The following EBF1 variants were observed in gnomAD, a reference collection of about 807,000 sequenced individuals.
The protein encoded by EBF1 is transcription factor COE1.
A neutral mutation model predicts 68.4 loss-of-function variants in EBF1; 10 were observed. That is an observed-to-expected ratio of 0.15 (90% CI 0.09 to 0.25). The LOEUF (loss-of-function observed/expected upper bound fraction) is 0.25. Among genes scored for constraint, EBF1 ranks in the 10% least tolerant of loss-of-function variants. The pLI is 1.00. For synonymous variants in EBF1, 298 were observed against 299.8 expected, an observed-to-expected ratio of 0.99 and a Z score of 0.06; for missense variants, 509 against 794.4, an observed-to-expected ratio of 0.64 and a Z score of 4.32.
At chr5:158,818,630 T>C (rs764947951) in intron 8 of EBF1, among the ~76,000 whole-genome samples, 2 of 152,214 alleles carry the variant, frequency 1.3e-5, no homozygotes, top group African/African-American at 2.4e-5. Flanking sequence ...AACTCCACTA[T>C]TGTTTTTATT....
chr5:158,760,951 T>C (rs138830004), intron 10 of EBF1, among the ~76,000 whole-genome samples: 13 of 152,312 alleles, frequency 8.5e-5, no homozygotes, highest in Admixed American at 1.3e-4. Context: ...TTGTTTTTGT[T>C]TTACTCTTTT....
At chr5:158,984,011 G>T (rs1221248743) in intron 6 of EBF1, among the ~76,000 whole-genome samples, 1 of 150,908 alleles carries the variant, frequency 6.6e-6, no homozygotes, top group African/African-American at 2.4e-5. Context: ...GAATTAAAAT[G>T]CTGGTTACTG....
intron 6 of EBF1, among the ~76,000 whole-genome samples, chr5:158,972,315 G>A (rs773788264): frequency 2.0e-5 from 3 of 152,128 alleles, no homozygotes; most frequent in Non-Finnish European, 2.9e-5. Context: ...GTACTGTCTC[G>A]TATATTTAGG....
intron 7 of EBF1, among the ~76,000 whole-genome samples, chr5:158,837,599 T>G (rs1452116588): frequency 6.6e-6 from 1 of 152,236 alleles, no homozygotes; most frequent in Non-Finnish European, 1.5e-5. Context: ...CTATTTTGTT[T>G]GCAAAATAGA....
intron 4 of EBF1, among the ~76,000 whole-genome samples, chr5:159,094,268 A>G (rs1318641635): frequency 6.6e-6 from 1 of 151,606 alleles, no homozygotes; most frequent in Non-Finnish European, 1.5e-5. Flanking sequence ...CCAAGACCAA[A>G]AATTATAAAT....
intron 6 of EBF1, among the ~76,000 whole-genome samples, chr5:159,008,143 G>C (rs1763928938): frequency 6.6e-6 from 1 of 152,072 alleles, no homozygotes; most frequent in South Asian, 2.1e-4. Context: ...TATTTCTATT[G>C]AAACAAGTGG....
intron 4 of EBF1, among the ~76,000 whole-genome samples, chr5:159,087,763 T>G (rs10035751): frequency 0.34 from 51,791 of 151,912 alleles, 9,240 homozygotes; most frequent in African/African-American, 0.41. Context: ...CCATGATACA[T>G]CTCTTCACCA....
At chr5:158,703,684 C>T (rs761510084) in intron 15 of EBF1, among the ~76,000 whole-genome samples, 3 of 150,188 alleles carry the variant, frequency 2.0e-5, no homozygotes, top group Non-Finnish European at 3.0e-5. Context: ...CAGCTGGAAT[C>T]ATGATAGAAT....
intron 6 of EBF1, among the ~76,000 whole-genome samples, chr5:159,014,635 T>A (rs1765319579): frequency 6.6e-6 from 1 of 152,248 alleles, no homozygotes; most frequent in South Asian, 2.1e-4. Context: ...CATATGAAGT[T>A]ATAACATCCT....
rs192956758 is a variant in EBF1, at chr5:158,759,284, G to A, written c.1036+18129C>T. On this transcript the variant is annotated intron_variant, in intron 10 of 15. Coordinates refer to ENST00000313708, the MANE Select transcript of EBF1 (RefSeq NM_024007.5). ...CTTCTCCATCCTTCCCCCTCTATTC[G>A]CCTTTATTGTCACCAGGCATGAGCC... 1.8e-4 allele frequency among the ~76,000 whole-genome samples: 28 copies of A among 152,126 alleles called. No homozygotes were observed. In the East Asian group the frequency reaches 3.7e-3, roughly 20 times the overall value.
chr5:158,949,890 A>G (rs986226971), intron 6 of EBF1, among the ~76,000 whole-genome samples: 2 of 152,174 alleles, frequency 1.3e-5, no homozygotes, highest in Non-Finnish European at 2.9e-5. Flanking sequence ...CCTGGTAACC[A>G]CCGCTCCCTA....
intron 7 of EBF1, among the ~76,000 whole-genome samples, chr5:158,825,016 T>C (rs1457693300): frequency 6.6e-6 from 1 of 152,228 alleles, no homozygotes; most frequent in Non-Finnish European, 1.5e-5. Context: ...AGTATTCTCC[T>C]TAGCCACTGT....
chr5:158,903,111 A>G (rs972360905), intron 6 of EBF1, among the ~76,000 whole-genome samples: 2 of 152,292 alleles, frequency 1.3e-5, no homozygotes, highest in Non-Finnish European at 2.9e-5. Flanking sequence ...AGGGGGAAAA[A>G]TTCTGCAAGG....
chr5:158,781,926 T>C (rs926459504), intron 9 of EBF1, among the ~76,000 whole-genome samples: 1 of 152,192 alleles, frequency 6.6e-6, no homozygotes. Flanking sequence ...CCCCTTTGCC[T>C]ATTACATAGT....
At chr5:159,014,777 C>T (rs1299931731) in intron 6 of EBF1, among the ~76,000 whole-genome samples, 1 of 152,152 alleles carries the variant, frequency 6.6e-6, no homozygotes, top group African/African-American at 2.4e-5. Context: ...ATATGCAAGC[C>T]GTATCATTAA....
intron 15 of EBF1, among the ~76,000 whole-genome samples, chr5:158,704,630 T>C (rs562924663): frequency 7.3e-6 from 1 of 137,638 alleles, no homozygotes; most frequent in Admixed American, 7.0e-5. Flanking sequence ...CCTTTTTTTC[T>C]TTTTTTTTTT....
chr5:158,706,412 G>T (rs1272559970), intron 15 of EBF1, among the ~76,000 whole-genome samples: 1 of 152,074 alleles, frequency 6.6e-6, no homozygotes, highest in East Asian at 1.9e-4. Context: ...TTCCAGTTTA[G>T]CTGTACTATT....
At chr5:159,050,001 T>A (rs914163444) in intron 6 of EBF1, among the ~76,000 whole-genome samples, 5 of 152,138 alleles carry the variant, frequency 3.3e-5, no homozygotes, top group African/African-American at 1.2e-4. Context: ...TAAGGTTTAA[T>A]TTCACGGCAT....
chr5:159,006,647 TAA>T (rs36045942), intron 6 of EBF1, among the ~76,000 whole-genome samples: 28 of 56,204 alleles, frequency 5.0e-4, no homozygotes, highest in East Asian at 3.0e-3. Flanking sequence ...ATAGCCATGT[TAA>T]AAAAAAAAAA....
Sources: gnomAD v4.1 joint callset for allele counts (sites outside exome capture counted in the v4.1 genomes callset) on GRCh38, gnomAD v4.1.1 for gene constraint, MANE v1.5 for transcripts, NCBI Gene and HGNC (gene_info 2026-07-23, HGNC 2026-07-21) for gene names.